NRXN2: variants seen among roughly 807,000 people sequenced by gnomAD.
The protein encoded by NRXN2 is neurexin-2-beta.
Under a neutral mutation model 128.8 loss-of-function variants are expected in NRXN2, and 29 were observed. The observed-to-expected ratio is 0.23, with a 90% CI of 0.17 to 0.31. The LOEUF (loss-of-function observed/expected upper bound fraction) is 0.31. Among genes scored for constraint, NRXN2 ranks in the 10% least tolerant of loss-of-function variants. NRXN2 has a pLI of 1.00. For missense variants in NRXN2, 1,881 were observed against 2,452.6 expected, an observed-to-expected ratio of 0.77 and a Z score of 4.92; for synonymous variants, 1,098 against 1,075.2, an observed-to-expected ratio of 1.02 and a Z score of -0.41.
rs1592139432 is a variant in NRXN2 at position 64,690,451 on chromosome 11, C to A, written c.804G>T (p.Gly268=). Reference sequence around the variant, plus strand: ...CGCCGGCTCCTCCTCTCCCGGCCCCCCCCTCGGAGAACAGTAAGGACCCTA... The same window carrying A: ...CGCCGGCTCCTCCTCTCCCGGCCCCACCCTCGGAGAACAGTAAGGACCCTA... ...SEVGSLLFSE[G]GAGRGGAGDV... The change falls in exon 5 of 23, where the codon GGG becomes GGT. Residue 268 remains glycine (G), a synonymous_variant. Coordinates refer to ENST00000265459, the MANE Select transcript of NRXN2 (RefSeq NM_015080.4). 1 of 1,613,692 alleles carries A rather than the reference C, an allele frequency of 6.2e-7. No homozygotes were observed. The highest frequency in any genetic ancestry group is 1.1e-5 in the South Asian group (1 of 90,942).
At chr11:64,704,991 T>C (rs2056076039) in intron 2 of NRXN2, among the ~76,000 whole-genome samples, 1 of 152,202 alleles carries the variant, frequency 6.6e-6, no homozygotes, top group African/African-American at 2.4e-5. Context: ...AATGCCCTGC[T>C]CTCTGGGATG....
chr11:64,624,827 T>A (rs1857091743), intron 20 of NRXN2, among the ~76,000 whole-genome samples: 1 of 152,208 alleles, frequency 6.6e-6, no homozygotes, highest in Non-Finnish European at 1.5e-5. Flanking sequence ...ATTCATCCAA[T>A]AAATATTTAT....
Position 64,713,040 on chromosome 11 carries a change from G to A in NRXN2, c.660C>T (p.Thr220=). The change falls in exon 2 of 23, where the codon ACC becomes ACT. Residue 220 remains threonine (T), a synonymous_variant. Transcript: ENST00000265459. ...AGCCCACCTCGCCGGGGGCCAGCAC[G>A]GTGCAGAGGCCGCCGTTGGCGCAGG... ...RNPCANGGLC[T]VLAPGEVGCD... 1.5e-6 allele frequency: 2 copies of A among 1,330,106 alleles called. No individual in the cohort carries two copies. The highest frequency in any genetic ancestry group is 9.6e-7 in the Non-Finnish European group (1 of 1,046,050). 82.4% of individuals were successfully genotyped at this position (1,330,106 alleles called of 1,614,324 possible). A position where few individuals can be genotyped will look rare whatever the true frequency, so the allele number is the denominator to read the frequency against.
chr11:64,640,279 C>T (rs898336954), intron 17 of NRXN2, among the ~76,000 whole-genome samples: 1 of 152,242 alleles, frequency 6.6e-6, no homozygotes, highest in African/African-American at 2.4e-5. Flanking sequence ...TTCACGGAAT[C>T]TTCCTTGGGC....
intron 7 of NRXN2, among the ~76,000 whole-genome samples, chr11:64,669,820 G>A (rs564725011): frequency 6.6e-6 from 1 of 152,350 alleles, no homozygotes; most frequent in East Asian, 1.9e-4. Context: ...AGAAGGCAGA[G>A]CTCTGCAGGG....
intron 17 of NRXN2, among the ~76,000 whole-genome samples, chr11:64,642,263 A>C (rs952226186): frequency 6.6e-6 from 1 of 151,780 alleles, no homozygotes; most frequent in African/African-American, 2.4e-5. Context: ...GAGATAATGA[A>C]CCAGACCTAG....
rs186639573 is a variant in NRXN2 at position 64,638,188 on chromosome 11, C to G, written c.3404-2736G>C. On this transcript the variant is annotated intron_variant, in intron 17 of 22. Coordinates refer to ENST00000265459, the MANE Select transcript of NRXN2 (RefSeq NM_015080.4). ...CACAGGCTGCCCAAGCCCAGACCTC[C>G]CCTGGGATTTATCACCCAGCCGTTC... Among the ~76,000 whole-genome samples the G allele has an allele frequency of 2.0e-3, 312 of 152,352 alleles. 1 individual carries two copies. Among genetic ancestry groups the G allele is most frequent in the African/African-American group, 7.1e-3 (294 of 41,588 alleles).
chr11:64,653,218 G>A (rs1296357809), intron 12 of NRXN2, among the ~76,000 whole-genome samples: 1 of 152,140 alleles, frequency 6.6e-6, no homozygotes, highest in Non-Finnish European at 1.5e-5. Flanking sequence ...TAACACAGGA[G>A]CTGAAGAGGG....
rs1384113144 is a variant in NRXN2, at chr11:64,667,451, T to C, written c.1597A>G (p.Ser533Gly). The C allele has an allele frequency of 1.2e-6, 2 of 1,613,912 alleles. No homozygotes were observed. The highest frequency in any genetic ancestry group is 2.2e-5 in the South Asian group (2 of 91,068). Residue 533 changes from serine to glycine, a missense_variant, in exon 9 of 23, where the codon AGC becomes GGC. Around this residue, in one of 7 missense-constraint regions of NRXN2, gnomAD observed 997 missense variants for 1,240.8 expected, o/e 0.80. Transcript: ENST00000265459. The surrounding 1 kb of genome is among the most constrained non-coding windows in gnomAD (Gnocchi z 5.6). ...CCACCCCCAGCCCGCCGGCCCTGGC[T>C]GAAGAGCAGCAGCCCATTGGGCTCG... ...TTEPNGLLLF[S>G]QGRRAGGGAG...
intron 2 of NRXN2, among the ~76,000 whole-genome samples, chr11:64,702,989 A>AG (rs2055716359): frequency 6.7e-6 from 1 of 150,366 alleles, no homozygotes; most frequent in East Asian, 1.9e-4. Flanking sequence ...AAAAAAAAAA[A>AG]AAAAAGAAAG....
intron 9 of NRXN2, among the ~76,000 whole-genome samples, chr11:64,661,611 G>A (rs1307768485): frequency 6.6e-6 from 1 of 152,152 alleles, no homozygotes. Context: ...CATTTATTGA[G>A]CTTTTATGAC....
intron 11 of NRXN2, chr11:64,659,434 C>G (rs1379178590): frequency 6.6e-6 from 1 of 152,286 alleles, no homozygotes; most frequent in African/African-American, 2.4e-5. Context: ...GGCTCATGGT[C>G]TGGCCCTCAT....
intron 7 of NRXN2, among the ~76,000 whole-genome samples, chr11:64,669,537 G>A (rs2050346487): frequency 1.3e-5 from 2 of 152,178 alleles, no homozygotes; most frequent in Non-Finnish European, 2.9e-5. Flanking sequence ...CAGGAATGGG[G>A]GAGTACTTGG....
intron 17 of NRXN2, among the ~76,000 whole-genome samples, chr11:64,643,891 A>AC (rs2046234856): frequency 7.3e-6 from 1 of 136,156 alleles, no homozygotes; most frequent in South Asian, 2.5e-4. Context: ...ACCCGGATGA[A>AC]CCCCAATAAT....
At chr11:64,694,788 G>A (rs543056259) in intron 3 of NRXN2, among the ~76,000 whole-genome samples, 2 of 151,998 alleles carry the variant, frequency 1.3e-5, no homozygotes, top group East Asian at 1.9e-4. Context: ...ACCCACATCC[G>A]ACTCTCCCGG....
chr11:64,691,647 C>T (rs1481345030), intron 4 of NRXN2, among the ~76,000 whole-genome samples: 1 of 152,172 alleles, frequency 6.6e-6, no homozygotes, highest in East Asian at 1.9e-4. Context: ...GGAGCCACAG[C>T]CAGCACCCAT....
At position 64,660,546 on chromosome 11, in the gene NRXN2, G is replaced by A. The variant is rs753933969; in HGVS notation, c.2186-11C>T. 2 of 1,613,664 alleles carry A rather than the reference G, an allele frequency of 1.2e-6. No homozygotes were observed. Among genetic ancestry groups the A allele is most frequent in the Non-Finnish European group, 1.7e-6 (2 of 1,179,706 alleles). ...TCAGGACCGTGGCCTCTGCCCACAG[G>A]AGTTGGGGAAGAGGGAAGGAGAAGA... On this transcript the variant is annotated splice_polypyrimidine_tract_variant and intron_variant, in intron 10 of 22. Coordinates refer to ENST00000265459, the MANE Select transcript of NRXN2 (RefSeq NM_015080.4). This position sits in a 1 kb window ranked among gnomAD's most constrained non-coding sequence, Gnocchi z 5.2.
intron 20 of NRXN2, among the ~76,000 whole-genome samples, chr11:64,624,716 C>G (rs2042855359): frequency 6.6e-6 from 1 of 152,216 alleles, no homozygotes; most frequent in Admixed American, 6.5e-5. Context: ...GAGGAAGAAA[C>G]AGGATTCAGC....
Position 64,719,563 on chromosome 11 carries a change from G to T in NRXN2, c.-245+3408C>A, listed in dbSNP as rs987341047. On this transcript the variant is annotated intron_variant, in intron 1 of 22. Coordinates refer to ENST00000265459, the MANE Select transcript of NRXN2 (RefSeq NM_015080.4). ...TGGGCCCAGGAGCTGGTAGCTCGGG[G>T]TGCACAGGATGAGGCTGCTGCCGCC... 1.2e-4 allele frequency among the ~76,000 whole-genome samples: 19 copies of T among 152,188 alleles called. No individual in the cohort carries two copies. In the East Asian group the frequency reaches 3.7e-3, roughly 29 times the overall value.
Sources: allele counts gnomAD v4.1 joint callset (sites outside exome capture counted in the v4.1 genomes callset), GRCh38; gene constraint gnomAD v4.1.1; regional missense constraint gnomAD v4.1.1; non-coding constraint Gnocchi (gnomAD v3.1); transcripts MANE v1.5; gene names NCBI Gene and HGNC (gene_info 2026-07-23, HGNC 2026-07-21).